Variants in CACNA1D observed in about 807,000 individuals in gnomAD.
CACNA1D encodes the protein voltage-dependent L-type calcium channel subunit alpha-1D.
In CACNA1D, 55 loss-of-function variants were observed where a neutral mutation model predicts 257.1. The ratio of observed to expected loss-of-function variants is 0.21; its 90% CI spans 0.17 to 0.27. The LOEUF (loss-of-function observed/expected upper bound fraction) is 0.27. CACNA1D is among the 10% of genes least tolerant of loss of function. The pLI, the probability that CACNA1D is intolerant of heterozygous loss-of-function variation, is 1.00. For missense variants in CACNA1D, 1,876 were observed against 2,784.0 expected (o/e 0.67, Z 7.34); for synonymous variants, 980 against 1,014.9 (o/e 0.97, Z 0.65).
At chr3:53,725,072 C>G (rs575833112) in intron 14 of CACNA1D, among the ~76,000 whole-genome samples, 1 of 149,820 alleles carries the variant, frequency 6.7e-6, no homozygotes, top group South Asian at 2.1e-4. Flanking sequence ...TAATAATTCT[C>G]CCAGCCAGCC....
intron 3 of CACNA1D, among the ~76,000 whole-genome samples, chr3:53,517,486 TC>T (rs1394717014): frequency 3.3e-5 from 5 of 150,436 alleles, no homozygotes; most frequent in Admixed American, 2.6e-4. Context: ...TTTCTTTCTT[TC>T]TTTTTTTTTT....
At chr3:53,736,278 C>G (rs1202610523) in intron 20 of CACNA1D, among the ~76,000 whole-genome samples, 2 of 151,938 alleles carry the variant, frequency 1.3e-5, no homozygotes, top group Admixed American at 1.3e-4. Context: ...GAGGTCAAAG[C>G]TGCAGCAAGC....
At chr3:53,538,218 G>C (rs1272945642) in intron 3 of CACNA1D, among the ~76,000 whole-genome samples, 1 of 142,768 alleles carries the variant, frequency 7.0e-6, no homozygotes, top group African/African-American at 2.7e-5. Context: ...GGTGATCTTG[G>C]CTCACTGCAA....
chr3:53,783,607 G>A (rs941581435), intron 39 of CACNA1D, among the ~76,000 whole-genome samples: 1 of 152,198 alleles, frequency 6.6e-6, no homozygotes, highest in Admixed American at 6.5e-5. Context: ...GCCCAGTGCA[G>A]GGCTTATCCG....
At chr3:53,687,352 G>T (rs2094482281) in intron 8 of CACNA1D, among the ~76,000 whole-genome samples, 1 of 152,042 alleles carries the variant, frequency 6.6e-6, no homozygotes, top group Admixed American at 6.5e-5. Flanking sequence ...TTATACTGCT[G>T]ATTTCAAAAT....
chr3:53,785,580 C>T, intron 39 of CACNA1D: 1 of 152,214 alleles, frequency 6.6e-6, no homozygotes, highest in Non-Finnish European at 1.5e-5. Flanking sequence ...GCTTCAGGAT[C>T]CATGTCAATG....
At chr3:53,650,972 T>TG (rs2094084874) in intron 4 of CACNA1D, 54 bp downstream of exon 4, 26 of 1,444,026 alleles carry the variant, frequency 1.8e-5, no homozygotes, top group Non-Finnish European at 2.3e-5. Flanking sequence ...GAGGTGGAGG[T>TG]TGGGGGGGGT....
intron 3 of CACNA1D, among the ~76,000 whole-genome samples, chr3:53,537,095 G>A (rs2092136798): frequency 6.6e-6 from 1 of 152,132 alleles, no homozygotes. Context: ...ATTTCAAACA[G>A]TATAAGAAAG....
intron 28 of CACNA1D, among the ~76,000 whole-genome samples, chr3:53,752,117 G>C (rs942186182): frequency 6.6e-6 from 1 of 152,166 alleles, no homozygotes; most frequent in Non-Finnish European, 1.5e-5. Flanking sequence ...TATCCGTACA[G>C]CATGATGGTA....
Position 53,774,560 on chromosome 3 carries a change from CT to C in CACNA1D, c.4111-22del. On this transcript the variant is annotated intron_variant, in intron 33 of 47. Coordinates refer to ENST00000350061, the MANE Select transcript of CACNA1D (RefSeq NM_001128840.3). This position sits in a 1 kb window ranked among gnomAD's most constrained non-coding sequence, Gnocchi z 4.3. ...TTTTTTGCATGACGAAATCTATTCT[CT>C]TTTTCCTGACAACTTCTCCACCTAG... 1 of 1,374,730 alleles carries C rather than the reference CT, an allele frequency of 7.3e-7. No homozygotes were observed. Among genetic ancestry groups the C allele is most frequent in the Non-Finnish European group, 1.0e-6 (1 of 961,462 alleles). The allele number at this position is 1,374,730 out of a possible 1,614,324, so 85.2% of individuals were successfully genotyped here. A position where few individuals can be genotyped will look rare whatever the true frequency, so the allele number is the denominator to read the frequency against.
chr3:53,806,001 T>TGC, intron 45 of CACNA1D, among the ~76,000 whole-genome samples: 1 of 95,772 alleles, frequency 1.0e-5, no homozygotes. Flanking sequence ...TCCTCCCTCA[T>TGC]CTTCCCTCCT....
chr3:53,595,887 A>C (rs1203919976), intron 3 of CACNA1D, among the ~76,000 whole-genome samples: 2 of 152,192 alleles, frequency 1.3e-5, no homozygotes, highest in Non-Finnish European at 2.9e-5. Context: ...ACAGATGGGC[A>C]GGGCAGGAGG....
At position 53,495,188 on chromosome 3, in the gene CACNA1D, A is replaced by G. The variant is rs1362047729; in HGVS notation, c.22A>G (p.Lys8Glu). 1.2e-6 allele frequency: 2 copies of G among 1,612,858 alleles called. No individual in the cohort carries two copies. Among genetic ancestry groups the G allele is most frequent in the Non-Finnish European group, 1.7e-6 (2 of 1,179,442 alleles). Residue 8 changes from lysine to glutamate, a missense_variant, in exon 1 of 48, where the codon AAA becomes GAA. Lys to Glu is a moderately conservative substitution (Grantham distance 56, BLOSUM62 1). Around this residue, in one of 10 missense-constraint regions of CACNA1D, gnomAD observed 143 missense variants for 168.7 expected, o/e 0.85. Transcript: ENST00000350061. This position sits in a 1 kb window ranked among gnomAD's most constrained non-coding sequence, Gnocchi z 5.1. MMMMMMM[K>E]KMQHQRQQQA... is the part of the protein sequence containing the mutation. ...GTGGATGATGATGATGATGATGATG[A>G]AAAAAATGCAGCATCAACGGCAGCA... is the stretch of plus-strand genomic sequence containing the variant.
Position 53,776,594 on chromosome 3 carries a change from CT to C in CACNA1D, c.4363-4del, listed in dbSNP as rs775018864. The C allele has an allele frequency of 1.2e-6, 2 of 1,614,146 alleles. No individual in the cohort carries two copies. The highest frequency in any genetic ancestry group is 1.7e-6 in the Non-Finnish European group (2 of 1,179,998). On this transcript the variant is annotated splice_polypyrimidine_tract_variant and splice_region_variant and intron_variant, in intron 35 of 47. Coordinates refer to ENST00000350061, the MANE Select transcript of CACNA1D (RefSeq NM_001128840.3). Reference sequence around the variant, plus strand: ...GCTGAAGTTCTTCCTTTCCTATTTGCTTTTTCAGATCATCAATCTGTTTGTG... The same window carrying C: ...GCTGAAGTTCTTCCTTTCCTATTTGCTTTTCAGATCATCAATCTGTTTGTG...
intron 3 of CACNA1D, among the ~76,000 whole-genome samples, chr3:53,534,022 G>C (rs1352988460): frequency 6.6e-6 from 1 of 152,188 alleles, no homozygotes; most frequent in African/African-American, 2.4e-5. Flanking sequence ...TAGTAGAGGA[G>C]CTGAAGCCAC....
At chr3:53,740,626 G>C (rs1361530805) in intron 21 of CACNA1D, 3 of 405,340 alleles carry the variant, frequency 7.4e-6, no homozygotes, top group Non-Finnish European at 1.3e-5. Flanking sequence ...TTAAACCGAA[G>C]GATTTTTTTT....
chr3:53,752,212 A>G (rs533681666), intron 28 of CACNA1D, among the ~76,000 whole-genome samples: 35 of 152,262 alleles, frequency 2.3e-4, no homozygotes, highest in African/African-American at 7.2e-4. Context: ...AGTGGTTGAG[A>G]ACTACAGCTC....
At chr3:53,520,872 TTC>T (rs2091532892) in intron 3 of CACNA1D, among the ~76,000 whole-genome samples, 1 of 82,102 alleles carries the variant, frequency 1.2e-5, no homozygotes, top group South Asian at 4.2e-4. Flanking sequence ...CTTTCTTTCT[TTC>T]TTTCTTTCTT....
intron 7 of CACNA1D, among the ~76,000 whole-genome samples, chr3:53,667,695 A>G (rs1416824068): frequency 6.6e-6 from 1 of 152,202 alleles, no homozygotes; most frequent in Admixed American, 6.5e-5. Context: ...ATATGAGGCA[A>G]AGAAGTTATA....
Sources: gnomAD v4.1 joint callset for allele counts (sites outside exome capture counted in the v4.1 genomes callset) on GRCh38, gnomAD v4.1.1 for gene constraint, gnomAD v4.1.1 regional missense constraint, Gnocchi (gnomAD v3.1) non-coding constraint, MANE v1.5 for transcripts, NCBI Gene and HGNC (gene_info 2026-07-23, HGNC 2026-07-21) for gene names.